Variants in RNF149 observed in about 807,000 individuals in gnomAD.
The protein encoded by RNF149 is ring finger protein 149.
In RNF149, 21 loss-of-function variants were observed where a neutral mutation model predicts 39.0. The ratio of observed to expected loss-of-function variants is 0.54; its 90% CI spans 0.38 to 0.77. RNF149 has a LOEUF of 0.77. Among genes scored for constraint, RNF149 ranks in the 30% least tolerant of loss-of-function variants. The probability of loss-of-function intolerance (pLI) is 0.00; values close to 1 mark genes in which losing one functional copy is unlikely to be tolerated. For missense variants in RNF149, 493 were observed against 534.9 expected (o/e 0.92, Z 0.77); for synonymous variants, 209 against 213.6 (o/e 0.98, Z 0.19).
At chr2:101,288,785 C>T in intron 4 of RNF149, 188 bp downstream of exon 4, 2 of 525,934 alleles carry the variant, frequency 3.8e-6, no homozygotes, top group Non-Finnish European at 6.8e-6. Context: ...ACCTAAGAAT[C>T]TCCTAGGCAA....
In RNF149 at chr2:101,276,536, G is replaced by A. The variant is rs1158940559; in HGVS notation, c.*702C>T. 1 of 985,530 alleles carries A rather than the reference G, an allele frequency of 1.0e-6. No homozygotes were observed. Among genetic ancestry groups the A allele is most frequent in the Non-Finnish European group, 1.2e-6 (1 of 829,832 alleles). 61.0% of individuals were successfully genotyped at this position (985,530 alleles called of 1,614,324 possible). On this transcript the variant is annotated 3_prime_UTR_variant, in exon 7 of 7. Transcript: ENST00000295317. ...AGGCAATGAAGAACTTAATGCTCAT[G>A]TGCGATATAGAATCTTAGCTTTTTA... is the stretch of plus-strand genomic sequence containing the variant.
Position 101,299,142 on chromosome 2 carries a change from C to T in RNF149, c.461-3961G>A, listed in dbSNP as rs192570049. On this transcript the variant is annotated intron_variant, in intron 1 of 6. Transcript: ENST00000295317. ...CTGCACTCCAGTCTGGGCGACAGGG[C>T]GAGACTCTGTCTCAAAACCAAACAA... Among the ~76,000 whole-genome samples, 397 of 152,240 alleles carry T rather than the reference C, an allele frequency of 2.6e-3. 1 individual carries two copies. The highest frequency in any genetic ancestry group is 6.8e-3 in the Middle Eastern group (2 of 292).
chr2:101,295,263 G>A, intron 1 of RNF149, 82 bp from the exon 2 acceptor site: 1 of 1,186,750 alleles, frequency 8.4e-7, no homozygotes, highest in Non-Finnish European at 1.2e-6. Context: ...AGGGTACTAT[G>A]TTCATCTACA....
intron 1 of RNF149, among the ~76,000 whole-genome samples, chr2:101,301,136 A>G (rs979570961): frequency 2.6e-4 from 40 of 152,102 alleles, no homozygotes; most frequent in African/African-American, 7.0e-4. Flanking sequence ...GTTGTTACCA[A>G]TATTGCTTGA....
chr2:101,297,290 A>T (rs1683268808), intron 1 of RNF149, among the ~76,000 whole-genome samples: 1 of 152,200 alleles, frequency 6.6e-6, no homozygotes, highest in African/African-American at 2.4e-5. Flanking sequence ...AATTTCCTAT[A>T]AGAGTAATAG....
At chr2:101,272,540 A>G (rs1682166874), downstream of RNF149, among the ~76,000 whole-genome samples, 1 of 152,220 alleles carries the variant, frequency 6.6e-6, no homozygotes, top group Non-Finnish European at 1.5e-5. Context: ...GTTGACTATT[A>G]AGTCACAGAA....
At chr2:101,293,196 A>T (rs1489021892) in intron 3 of RNF149, among the ~76,000 whole-genome samples, 1 of 152,088 alleles carries the variant, frequency 6.6e-6, no homozygotes, top group African/African-American at 2.4e-5. Context: ...TAATCCTTTA[A>T]GGTCAAAGAA....
chr2:101,305,072 C>T (rs1573267964), intron 1 of RNF149, among the ~76,000 whole-genome samples: 1 of 152,076 alleles, frequency 6.6e-6, no homozygotes, highest in East Asian at 1.9e-4. Flanking sequence ...ATTTCTTGAC[C>T]TCATGATCCA....
intron 3 of RNF149, among the ~76,000 whole-genome samples, chr2:101,293,341 C>T (rs762378942): frequency 6.6e-6 from 1 of 152,038 alleles, no homozygotes; most frequent in Non-Finnish European, 1.5e-5. Flanking sequence ...AGCTGCAAGT[C>T]AACATAATTA....
chr2:101,308,148 G>A lies in RNF149; in HGVS notation c.441C>T (p.Thr147=). The change falls in exon 1 of 7, where the codon ACC becomes ACT. Residue 147 remains threonine (T), a synonymous_variant. Coordinates refer to ENST00000295317, the MANE Select transcript of RNF149 (RefSeq NM_173647.4). ...GCTCACCCGCGTGAGACATGGGCAA[G>A]GTGATGTTCCCGTAGCGCTCCTCAT... is the stretch of plus-strand genomic sequence containing the variant. ...LYNEERYGNI[T]LPMSHAGTGN... 6.2e-7 allele frequency: 1 copy of A among 1,609,748 alleles called. No individual in the cohort carries two copies. Among genetic ancestry groups the A allele is most frequent in the Non-Finnish European group, 8.5e-7 (1 of 1,179,100 alleles).
intron 1 of RNF149, among the ~76,000 whole-genome samples, chr2:101,303,044 G>GGAAGT (rs1201890031): frequency 6.6e-6 from 1 of 151,520 alleles, no homozygotes; most frequent in Non-Finnish European, 1.5e-5. Flanking sequence ...AACCTTTCTG[G>GGAAGT]GAAGTGTCCT....
downstream of RNF149, among the ~76,000 whole-genome samples, chr2:101,275,339 G>A (rs534976896): frequency 6.9e-6 from 1 of 145,008 alleles, no homozygotes; most frequent in Non-Finnish European, 1.5e-5. Context: ...GGATGGTCTC[G>A]ATCTCCTGAT....
intron 3 of RNF149, among the ~76,000 whole-genome samples, chr2:101,293,138 A>T (rs559507382): frequency 1.7e-4 from 24 of 139,678 alleles, no homozygotes; most frequent in Non-Finnish European, 1.4e-4. Flanking sequence ...ATTCCAAATT[A>T]AAAAAAAAAA....
intron 5 of RNF149, among the ~76,000 whole-genome samples, chr2:101,285,508 T>C (rs917925039): frequency 6.6e-6 from 1 of 152,154 alleles, no homozygotes; most frequent in Non-Finnish European, 1.5e-5. Context: ...CATAACAAGG[T>C]ATGGAAGGCA....
chr2:101,289,092 G>T, intron 3 of RNF149, 37 bp from the exon 4 acceptor site: 1 of 1,211,196 alleles, frequency 8.3e-7, no homozygotes, highest in Non-Finnish European at 1.2e-6. Context: ...TACATTCTTG[G>T]TACACAGTAT....
At chr2:101,289,077 G>C in intron 3 of RNF149, 22 bp from the exon 4 acceptor site, 1 of 1,392,230 alleles carries the variant, frequency 7.2e-7, no homozygotes, top group Non-Finnish European at 1.0e-6. Context: ...AAAGGAAAGT[G>C]TTACTACATT....
In RNF149 at chr2:101,295,091, G is replaced by A. The variant is rs1374674081; in HGVS notation, c.551C>T (p.Thr184Ile). ...LVQKGIPVTM[T>I]IGVGTRHVQE... ...TACATGCCGGGTGCCAACCCCTATGGTCATCGTTACTGGAATTCCTTTTTG... is the reference window on the plus strand; with the variant it reads ...TACATGCCGGGTGCCAACCCCTATGATCATCGTTACTGGAATTCCTTTTTG... Residue 184 changes from threonine (T) to isoleucine (I), a missense_variant, in exon 2 of 7, where the codon ACC becomes ATC. Coordinates refer to ENST00000295317, the MANE Select transcript of RNF149 (RefSeq NM_173647.4). 3.7e-6 allele frequency: 6 copies of A among 1,614,000 alleles called. No individual in the cohort carries two copies. The highest frequency in any genetic ancestry group is 5.1e-6 in the Non-Finnish European group (6 of 1,180,034).
rs922472380 is a variant in RNF149 at position 101,276,097 on chromosome 2, A to G, written c.*1141T>C. 1.1e-4 allele frequency: 99 copies of G among 901,412 alleles called. No homozygotes were observed. The highest frequency in any genetic ancestry group is 1.3e-4 in the Non-Finnish European group (95 of 753,502). The allele number at this position is 901,412 out of a possible 1,614,324, so 55.8% of individuals were successfully genotyped here. ...ATTTATAATTTTAAAAATTGTTTTA[A>G]ATAAACATTTATTTTTACCTACAAA... On this transcript the variant is annotated 3_prime_UTR_variant, in exon 7 of 7. Transcript: ENST00000295317.
chr2:101,283,255 G>A (rs1682660347), intron 5 of RNF149, among the ~76,000 whole-genome samples: 2 of 152,206 alleles, frequency 1.3e-5, no homozygotes, highest in African/African-American at 2.4e-5. Flanking sequence ...GTCTGTATGC[G>A]TGCCCTGACC....
Sources: gnomAD v4.1 joint callset for allele counts (sites outside exome capture counted in the v4.1 genomes callset) on GRCh38, gnomAD v4.1.1 for gene constraint, MANE v1.5 for transcripts, NCBI Gene and HGNC (gene_info 2026-07-23, HGNC 2026-07-21) for gene names.